The following ERBIN variants were observed in gnomAD, a reference collection of about 807,000 sequenced individuals.
ERBIN encodes erbb2 interacting protein.
In ERBIN, 60 loss-of-function variants were observed where a neutral mutation model predicts 158.4. The observed-to-expected ratio is 0.38, with a 90% CI of 0.31 to 0.47. The LOEUF (loss-of-function observed/expected upper bound fraction) is 0.47. Among genes scored for constraint, ERBIN ranks in the 20% least tolerant of loss-of-function variants. ERBIN has a pLI of 0.99. For missense variants in ERBIN, 1,610 were observed against 1,648.0 expected, an observed-to-expected ratio of 0.98 and a Z score of 0.40; for synonymous variants, 594 against 557.2, an observed-to-expected ratio of 1.07 and a Z score of -0.93.
intron 7 of ERBIN, 46 bp downstream of exon 7, chr5:66,014,771 A>G (rs769218667): frequency 1.1e-6 from 1 of 948,748 alleles, no homozygotes; most frequent in Non-Finnish European, 1.5e-6. Flanking sequence ...TATAATTTTT[A>G]ATGATTAAGT....
rs1580022117 is a variant in ERBIN at position 65,926,667 on chromosome 5, T to C, written c.-197T>C. Reference sequence around the variant, plus strand: ...CAACCCCCACCAAAGCCACCTACTCTTCTTCTGTGGGAGGCCAGTCCACAT... The same window carrying C: ...CAACCCCCACCAAAGCCACCTACTCCTCTTCTGTGGGAGGCCAGTCCACAT... On this transcript the variant is annotated 5_prime_UTR_variant, in exon 1 of 26. Coordinates refer to ENST00000284037, the MANE Select transcript of ERBIN (RefSeq NM_001253697.2). 1 of 151,588 alleles carries C rather than the reference T, an allele frequency of 6.6e-6. No individual in the cohort carries two copies. The allele number at this position is 151,588 out of a possible 1,614,324, so 9.4% of individuals were successfully genotyped here.
Position 65,988,290 on chromosome 5 carries a change from T to G in ERBIN, c.-57-345T>G, listed in dbSNP as rs142165579. 1.8e-4 allele frequency among the ~76,000 whole-genome samples: 28 copies of G among 152,220 alleles called. No homozygotes were observed. In the East Asian group the frequency reaches 5.4e-3, roughly 29 times the overall value. ...CAGGAGGCTGAGGTGGGAGGATTGA[T>G]TGTGCCCAGGAGTTTGAGGCCGCAG... On this transcript the variant is annotated intron_variant, in intron 1 of 25. Transcript: ENST00000284037.
chr5:66,013,727 C>G, intron 6 of ERBIN, 89 bp downstream of exon 6: 1 of 767,520 alleles, frequency 1.3e-6, no homozygotes, highest in East Asian at 2.5e-5. Flanking sequence ...CTACTCATTA[C>G]AGTTTCATAG....
chr5:65,978,515 A>C (rs977616306), intron 1 of ERBIN, among the ~76,000 whole-genome samples: 2 of 152,242 alleles, frequency 1.3e-5, no homozygotes, highest in African/African-American at 4.8e-5. Flanking sequence ...TGGTGGACTC[A>C]AGGAAGCCTT....
At chr5:65,937,628 G>T (rs1005581487) in intron 1 of ERBIN, among the ~76,000 whole-genome samples, 14 of 152,096 alleles carry the variant, frequency 9.2e-5, no homozygotes, top group Non-Finnish European at 1.8e-4. Context: ...ATAATTCTTG[G>T]CCGGGTGCGG....
At chr5:65,996,800 T>C (rs1245567825) in intron 4 of ERBIN, among the ~76,000 whole-genome samples, 1 of 152,200 alleles carries the variant, frequency 6.6e-6, no homozygotes, top group Non-Finnish European at 1.5e-5. Flanking sequence ...TTCAATTTTT[T>C]TCATCAAATG....
At chr5:66,025,314 G>T (rs1338292251) in intron 10 of ERBIN, 166 bp from the exon 11 acceptor site, 2 of 644,748 alleles carry the variant, frequency 3.1e-6, no homozygotes, top group Admixed American at 2.7e-5. Flanking sequence ...GAAAGGACAG[G>T]ATGAGGGAAT....
At chr5:66,076,043 C>T (rs889463859) in intron 23 of ERBIN, 10 of 358,858 alleles carry the variant, frequency 2.8e-5, no homozygotes, top group Admixed American at 2.3e-4. Context: ...AAAAGTAAAA[C>T]AGGGTCAATA....
At chr5:66,023,243 A>G (rs1755883466) in intron 8 of ERBIN, 47 bp from the exon 9 acceptor site, 1 of 1,396,554 alleles carries the variant, frequency 7.2e-7, no homozygotes, top group Non-Finnish European at 1.0e-6. Context: ...AAAGACATTC[A>G]TAAAAATTAA....
At chr5:65,989,271 T>A (rs1220473864) in intron 2 of ERBIN, among the ~76,000 whole-genome samples, 1 of 152,236 alleles carries the variant, frequency 6.6e-6, no homozygotes, top group Non-Finnish European at 1.5e-5. Flanking sequence ...CGTATGTTAC[T>A]TTCCTCCTCT....
At chr5:66,018,764 GTA>G (rs1165091876) in intron 7 of ERBIN, among the ~76,000 whole-genome samples, 3 of 147,570 alleles carry the variant, frequency 2.0e-5, no homozygotes, top group Non-Finnish European at 3.0e-5. Context: ...AGCCTCCTGA[GTA>G]GCTGGGACTA....
At chr5:66,068,002 C>G (rs572362858) in intron 21 of ERBIN, among the ~76,000 whole-genome samples, 1 of 152,012 alleles carries the variant, frequency 6.6e-6, no homozygotes, top group Non-Finnish European at 1.5e-5. Context: ...TAAAACTATT[C>G]TCTAATGCAA....
At chr5:65,993,609 A>G (rs371075589) in intron 3 of ERBIN, among the ~76,000 whole-genome samples, 3 of 140,604 alleles carry the variant, frequency 2.1e-5, no homozygotes, top group South Asian at 4.1e-4. Flanking sequence ...GTTAATTGCT[A>G]TATATTTAAT....
At chr5:66,072,340 T>C (rs955585650) in intron 22 of ERBIN, 49 bp downstream of exon 22, 1 of 1,540,222 alleles carries the variant, frequency 6.5e-7, no homozygotes, top group African/African-American at 1.4e-5. Context: ...TTTCTATATT[T>C]TGCAGCTTTT....
intron 1 of ERBIN, among the ~76,000 whole-genome samples, chr5:65,937,865 T>C (rs531386039): frequency 6.6e-6 from 1 of 152,234 alleles, no homozygotes; most frequent in African/African-American, 2.4e-5. Context: ...GCCGAGATCG[T>C]GCCACTGCAC....
chr5:66,048,524 G>C lies in ERBIN; in HGVS notation c.1789-143G>C, dbSNP rs1488308524. 8.2e-6 allele frequency: 5 copies of C among 613,454 alleles called. No individual in the cohort carries two copies. In the East Asian group the frequency reaches 9.0e-5, roughly 11 times the overall value. 38.0% of individuals were successfully genotyped at this position (613,454 alleles called of 1,614,324 possible). A position where few individuals can be genotyped will look rare whatever the true frequency, so the allele number is the denominator to read the frequency against. On this transcript the variant is annotated intron_variant, in intron 18 of 25. Transcript: ENST00000284037. ...TGTACAAACAGTCTTGGAAGGACTG[G>C]TTGTTATTTTATTGCCGTATCTTGA...
chr5:65,935,645 CTT>C (rs1561263257), intron 1 of ERBIN, among the ~76,000 whole-genome samples: 1 of 152,214 alleles, frequency 6.6e-6, no homozygotes, highest in East Asian at 1.9e-4. Flanking sequence ...TACTTTTACT[CTT>C]TACATTGGAC....
chr5:65,939,503 G>GCTCTCCCTCTCC (rs1321811872), intron 1 of ERBIN, among the ~76,000 whole-genome samples: 4 of 150,316 alleles, frequency 2.7e-5, no homozygotes, highest in Admixed American at 2.6e-4. Flanking sequence ...AGGTGCCTCC[G>GCTCTCCCTCTCC]CTCTCCCTCT....
chr5:66,076,063 T>G, intron 23 of ERBIN: 1 of 427,654 alleles, frequency 2.3e-6, no homozygotes, highest in Non-Finnish European at 4.1e-6. Flanking sequence ...ATTAATTGAT[T>G]CCTTATCCTC....
Sources: gnomAD v4.1 joint callset for allele counts (sites outside exome capture counted in the v4.1 genomes callset) on GRCh38, gnomAD v4.1.1 for gene constraint, MANE v1.5 for transcripts, NCBI Gene and HGNC (gene_info 2026-07-23, HGNC 2026-07-21) for gene names.